NHERF1: variants seen among roughly 807,000 people sequenced by gnomAD.
NHERF1 encodes the protein Na(+)/H(+) exchange regulatory cofactor NHE-RF1.
chr17:74,755,399 C>T, the NHERF1 span, among the ~76,000 whole-genome samples: 11 of 152,304 alleles, frequency 7.2e-5, no homozygotes, highest in East Asian at 1.9e-3. Context: ...GAGAGCCCCC[C>T]TCAAGGGTGG....
At chr17:74,764,727 T>G in the NHERF1 span, among the ~76,000 whole-genome samples, 1 of 152,158 alleles carries the variant, frequency 6.6e-6, no homozygotes, top group Non-Finnish European at 1.5e-5. The surrounding 1 kb of genome is among the most constrained non-coding windows in gnomAD (Gnocchi z 4.9). Context: ...CCAAAGGACC[T>G]GAAGAGGGAG....
the NHERF1 span, among the ~76,000 whole-genome samples, chr17:74,759,194 C>A: frequency 2.0e-5 from 3 of 152,194 alleles, no homozygotes; most frequent in Admixed American, 2.0e-4. Flanking sequence ...TCCAGCCACC[C>A]CCTCAGGTCC....
At chr17:74,764,685 G>C in the NHERF1 span, among the ~76,000 whole-genome samples, 11 of 152,290 alleles carry the variant, frequency 7.2e-5, no homozygotes, top group Non-Finnish European at 1.5e-4. This position sits in a 1 kb window ranked among gnomAD's most constrained non-coding sequence, Gnocchi z 4.9. Context: ...TCTTCTGCCT[G>C]TCTCTCGGGC....
chr17:74,752,327 A>G, the NHERF1 span, among the ~76,000 whole-genome samples: 5 of 149,908 alleles, frequency 3.3e-5, no homozygotes, highest in African/African-American at 1.2e-4. Flanking sequence ...GCCCTTCTCC[A>G]TCTGGCAGCC....
the NHERF1 span, chr17:74,748,736 C>T: frequency 3.0e-6 from 3 of 1,012,334 alleles, no homozygotes; most frequent in Non-Finnish European, 2.8e-6. This position sits in a 1 kb window ranked among gnomAD's most constrained non-coding sequence, Gnocchi z 4.3. Flanking sequence ...TCCGGCGGCT[C>T]AGGGCTTCTC....
the NHERF1 span, chr17:74,762,151 G>A: frequency 5.8e-5 from 93 of 1,613,970 alleles, 1 homozygote; most frequent in South Asian, 1.9e-4. This position sits in a 1 kb window ranked among gnomAD's most constrained non-coding sequence, Gnocchi z 4.2. Context: ...TCAGGGCTCC[G>A]GGCCCAGGAT....
the NHERF1 span, among the ~76,000 whole-genome samples, chr17:74,767,658 ACCT>A: frequency 2.0e-5 from 3 of 151,900 alleles, no homozygotes; most frequent in East Asian, 5.8e-4. Context: ...CTTTCCATCC[ACCT>A]TCTTCTTTCA....
the NHERF1 span, among the ~76,000 whole-genome samples, chr17:74,763,687 C>T: frequency 1.3e-5 from 2 of 152,112 alleles, no homozygotes; most frequent in Admixed American, 6.5e-5. Context: ...GCTGGGGGAG[C>T]GGGGGCCTAG....
the NHERF1 span, among the ~76,000 whole-genome samples, chr17:74,757,207 G>C: frequency 4.7e-4 from 72 of 152,266 alleles, no homozygotes; most frequent in Non-Finnish European, 7.2e-4. Context: ...CTGAGTCCTG[G>C]GGGTGTCTGT....
chr17:74,757,247 T>C, the NHERF1 span, among the ~76,000 whole-genome samples: 1 of 152,218 alleles, frequency 6.6e-6, no homozygotes, highest in South Asian at 2.1e-4. Flanking sequence ...TTAGTTTGTG[T>C]CTCCCTCCTG....
the NHERF1 span, chr17:74,763,412 T>C: frequency 6.2e-7 from 1 of 1,614,060 alleles, no homozygotes; most frequent in South Asian, 1.1e-5. Context: ...GGACGTGGTG[T>C]CCGCCATCAG....
chr17:74,763,728 G>A, the NHERF1 span, among the ~76,000 whole-genome samples: 2 of 152,186 alleles, frequency 1.3e-5, no homozygotes, highest in East Asian at 1.9e-4. Flanking sequence ...TTCTGAGGAC[G>A]GCTTGTGATG....
the NHERF1 span, among the ~76,000 whole-genome samples, chr17:74,761,730 A>C: frequency 2.0e-5 from 3 of 152,186 alleles, no homozygotes; most frequent in African/African-American, 7.2e-5. This position sits in a 1 kb window ranked among gnomAD's most constrained non-coding sequence, Gnocchi z 4.3. Context: ...GGCATGTGAG[A>C]GCTAACCTGG....
chr17:74,767,655 T>C, the NHERF1 span, among the ~76,000 whole-genome samples: 1 of 152,070 alleles, frequency 6.6e-6, no homozygotes, highest in African/African-American at 2.4e-5. Flanking sequence ...GAACTTTCCA[T>C]CCACCTTCTT....
the NHERF1 span, among the ~76,000 whole-genome samples, chr17:74,760,533 G>A: frequency 2.0e-5 from 3 of 150,972 alleles, no homozygotes; most frequent in East Asian, 1.9e-4. This position sits in a 1 kb window ranked among gnomAD's most constrained non-coding sequence, Gnocchi z 4.5. Context: ...AGATGGTGGC[G>A]GCCTCCTGGG....
the NHERF1 span, among the ~76,000 whole-genome samples, chr17:74,752,911 G>T: frequency 6.6e-6 from 1 of 152,234 alleles, no homozygotes; most frequent in African/African-American, 2.4e-5. Flanking sequence ...ATGGTAGGGA[G>T]GCTCTCAAAA....
chr17:74,768,531 G>T, the NHERF1 span: 2 of 1,613,584 alleles, frequency 1.2e-6, no homozygotes, highest in Non-Finnish European at 1.7e-6. Context: ...CTCCTCCTCC[G>T]ACCCCATCCT....
chr17:74,768,133 C>T, the NHERF1 span: 4 of 1,590,346 alleles, frequency 2.5e-6, no homozygotes, highest in Non-Finnish European at 3.5e-6. Flanking sequence ...CCACAACCCT[C>T]TCCTCTCTGC....
the NHERF1 span, among the ~76,000 whole-genome samples, chr17:74,759,323 C>T: frequency 3.3e-5 from 5 of 152,254 alleles, no homozygotes; most frequent in South Asian, 4.1e-4. Flanking sequence ...TTGAACTGCA[C>T]GACTTGGTGC....
Sources: allele counts gnomAD v4.1 joint callset (sites outside exome capture counted in the v4.1 genomes callset), GRCh38; gene constraint gnomAD v4.1.1; non-coding constraint Gnocchi (gnomAD v3.1); transcripts MANE v1.5; gene names NCBI Gene and HGNC (gene_info 2026-07-23, HGNC 2026-07-21).